PDE12: variants seen among roughly 807,000 people sequenced by gnomAD.
PDE12 encodes 2',5'-phosphodiesterase 12.
In PDE12, 26 loss-of-function variants were observed where a neutral mutation model predicts 45.4. The observed-to-expected ratio is 0.57, with a 90% CI of 0.42 to 0.79. PDE12 has a LOEUF of 0.79. Ranked by LOEUF, PDE12 falls within the 30% of genes least tolerant of loss-of-function variation. PDE12 has a pLI of 0.00. For synonymous variants in PDE12, 283 were observed against 323.9 expected (o/e 0.87, Z 1.36); for missense variants, 668 against 790.0 (o/e 0.85, Z 1.85).
chr3:57,605,495 G>C, the PDE12 span, among the ~76,000 whole-genome samples: 1 of 152,064 alleles, frequency 6.6e-6, no homozygotes, highest in African/African-American at 2.4e-5. Context: ...AAAAGGTCTT[G>C]CCTCACTGAT....
chr3:57,568,582 TC>T (rs889695745), downstream of PDE12, among the ~76,000 whole-genome samples: 1 of 151,294 alleles, frequency 6.6e-6, no homozygotes, highest in Non-Finnish European at 1.5e-5. Flanking sequence ...AAGATACACT[TC>T]TTTTTTTTTT....
chr3:57,630,945 T>G, the PDE12 span: 1 of 1,613,526 alleles, frequency 6.2e-7, no homozygotes, highest in Admixed American at 1.7e-5. Context: ...GAAATACTTT[T>G]CTGCAAAGGC....
the PDE12 span, among the ~76,000 whole-genome samples, chr3:57,604,779 A>G: frequency 0.037 from 5,673 of 151,808 alleles, 366 homozygotes; most frequent in African/African-American, 0.13. Flanking sequence ...TGCCTGGCTA[A>G]TTTTTAAAAT....
chr3:57,596,998 A>C, the PDE12 span: 6 of 1,450,558 alleles, frequency 4.1e-6, no homozygotes, highest in Non-Finnish European at 4.8e-6. Flanking sequence ...GAGGAAAAAA[A>C]CAGGCCCAGA....
At chr3:57,570,653 T>C (rs2069831923), downstream of PDE12, among the ~76,000 whole-genome samples, 1 of 152,196 alleles carries the variant, frequency 6.6e-6, no homozygotes, top group Non-Finnish European at 1.5e-5. Context: ...AGACAGAAAC[T>C]AAGTTACTCA....
At chr3:57,578,238 G>C in the PDE12 span, among the ~76,000 whole-genome samples, 1 of 151,776 alleles carries the variant, frequency 6.6e-6, no homozygotes, top group Admixed American at 6.6e-5. Context: ...AGATCAGGAA[G>C]ACATCTTAAG....
chr3:57,645,435 T>G, the PDE12 span, among the ~76,000 whole-genome samples: 752 of 152,306 alleles, frequency 4.9e-3, 5 homozygotes, highest in African/African-American at 0.017. Flanking sequence ...CACTCCAGCC[T>G]GGGCGACAGA....
chr3:57,574,246 G>A, the PDE12 span, among the ~76,000 whole-genome samples: 1 of 151,956 alleles, frequency 6.6e-6, no homozygotes, highest in Non-Finnish European at 1.5e-5. Context: ...GCCTGCAATA[G>A]GTTCTTTGTT....
the PDE12 span, chr3:57,598,115 C>G: frequency 6.6e-6 from 1 of 151,596 alleles, no homozygotes; most frequent in Non-Finnish European, 1.5e-5. Flanking sequence ...AGATTTACTC[C>G]TTATGTTGAG....
the PDE12 span, chr3:57,572,155 G>GT: frequency 7.2e-7 from 1 of 1,386,434 alleles, no homozygotes. Context: ...TAATTTTGTT[G>GT]TAACAAGCCT....
At chr3:57,607,985 G>T in the PDE12 span, among the ~76,000 whole-genome samples, 3 of 152,146 alleles carry the variant, frequency 2.0e-5, no homozygotes, top group Non-Finnish European at 2.9e-5. Context: ...GGCAGCCAGA[G>T]AGAAAGGTCG....
At chr3:57,611,887 A>C in the PDE12 span, among the ~76,000 whole-genome samples, 118 of 152,332 alleles carry the variant, frequency 7.7e-4, no homozygotes, top group Non-Finnish European at 1.3e-3. Flanking sequence ...ATTACTGGGT[A>C]TATACCCAAA....
chr3:57,633,779 ACTTGGAAGGCTGAGACAGAAGAATTG>A, the PDE12 span, among the ~76,000 whole-genome samples: 1 of 151,910 alleles, frequency 6.6e-6, no homozygotes, highest in Non-Finnish European at 1.5e-5. Context: ...AATCCCAGCT[ACTTGGAAGGCTGAGACAGAAGAATTG>A]CTTGAACCTG....
the PDE12 span, chr3:57,628,668 A>C: frequency 1.2e-6 from 1 of 803,328 alleles, no homozygotes; most frequent in South Asian, 1.8e-5. Context: ...TATTTTCAGC[A>C]GTATCTACCA....
chr3:57,618,782 A>G, the PDE12 span, among the ~76,000 whole-genome samples: 1 of 149,594 alleles, frequency 6.7e-6, no homozygotes, highest in African/African-American at 2.5e-5. Flanking sequence ...CTAATTTTGT[A>G]TTTTTAGTAG....
At chr3:57,596,969 T>A in the PDE12 span, 2 of 1,280,842 alleles carry the variant, frequency 1.6e-6, no homozygotes, top group Non-Finnish European at 2.2e-6. Flanking sequence ...CCGGCGCCCC[T>A]CCCCCACCAC....
chr3:57,641,546 C>T, the PDE12 span: 1 of 867,898 alleles, frequency 1.2e-6, no homozygotes, highest in Admixed American at 3.0e-5. Context: ...TCTCCAAAGG[C>T]CTTGAAGAAA....
chr3:57,618,418 TTTTG>T, the PDE12 span, among the ~76,000 whole-genome samples: 3,807 of 151,908 alleles, frequency 0.025, 66 homozygotes, highest in Non-Finnish European at 0.035. Context: ...GGTAGATCTT[TTTTG>T]TTTGTTTGTT....
At chr3:57,628,937 C>G in the PDE12 span, 1 of 1,511,230 alleles carries the variant, frequency 6.6e-7, no homozygotes, top group Admixed American at 2.0e-5. Flanking sequence ...ATATTCAAAC[C>G]TCTCTATTTC....
Sources: gnomAD v4.1 joint callset for allele counts (sites outside exome capture counted in the v4.1 genomes callset) on GRCh38, gnomAD v4.1.1 for gene constraint, MANE v1.5 for transcripts, NCBI Gene and HGNC (gene_info 2026-07-23, HGNC 2026-07-21) for gene names.